MTUS2: variants seen among roughly 807,000 people sequenced by gnomAD.
The protein encoded by MTUS2 is microtubule-associated tumor suppressor candidate 2.
A neutral mutation model predicts 114.1 loss-of-function variants in MTUS2; 40 were observed. The observed-to-expected ratio is 0.35, with a 90% CI of 0.27 to 0.46. The LOEUF (loss-of-function observed/expected upper bound fraction) is 0.46, where lower values mean the gene tolerates loss of function less well. Among genes scored for constraint, MTUS2 ranks in the 20% least tolerant of loss-of-function variants. The pLI, the probability that MTUS2 is intolerant of heterozygous loss-of-function variation, is 1.00. For missense variants in MTUS2, 1,679 were observed against 1,705.4 expected (o/e 0.98, Z 0.27); for synonymous variants, 688 against 672.0 (o/e 1.02, Z -0.37).
chr13:29,488,417 C>A (rs73154418), intron 11 of MTUS2, among the ~76,000 whole-genome samples: 12,049 of 148,172 alleles, frequency 0.081, 931 homozygotes, highest in African/African-American at 0.21. Context: ...GCATGGAAAT[C>A]GTGCACTTTT....
At chr13:28,838,556 C>T (rs1411031497) in intron 1 of MTUS2, among the ~76,000 whole-genome samples, 2 of 152,140 alleles carry the variant, frequency 1.3e-5, no homozygotes, top group African/African-American at 4.8e-5. Flanking sequence ...CAGCTCTTCC[C>T]CACGCTTCCC....
chr13:29,245,686 C>T (rs1211473764), intron 5 of MTUS2, among the ~76,000 whole-genome samples: 1 of 148,294 alleles, frequency 6.7e-6, no homozygotes, highest in Admixed American at 6.8e-5. Flanking sequence ...AGTATTTCAT[C>T]TATTTTAATT....
At chr13:28,890,828 C>T (rs576371251) in intron 2 of MTUS2, among the ~76,000 whole-genome samples, 1 of 152,062 alleles carries the variant, frequency 6.6e-6, no homozygotes, top group East Asian at 1.9e-4. Flanking sequence ...TGCCCTAGAC[C>T]GAGGCCTCCA....
chr13:29,293,373 CAT>C, intron 6 of MTUS2, among the ~76,000 whole-genome samples: 1 of 152,210 alleles, frequency 6.6e-6, no homozygotes, highest in South Asian at 2.1e-4. Context: ...AATAACTAAA[CAT>C]ATTCCCTTTT....
chr13:29,039,158 C>T (rs527283433), intron 4 of MTUS2, among the ~76,000 whole-genome samples: 14 of 152,298 alleles, frequency 9.2e-5, no homozygotes, highest in Non-Finnish European at 1.3e-4. Context: ...GACCTTGGAG[C>T]GGAGGACGGG....
At chr13:29,164,945 A>C (rs1893253914) in intron 5 of MTUS2, among the ~76,000 whole-genome samples, 1 of 152,332 alleles carries the variant, frequency 6.6e-6, no homozygotes, top group East Asian at 1.9e-4. Context: ...TTGTTCTGAA[A>C]TATTTTAAAA....
intron 4 of MTUS2, among the ~76,000 whole-genome samples, chr13:29,065,524 A>ATATT (rs1400531342): frequency 1.3e-5 from 2 of 152,184 alleles, no homozygotes; most frequent in African/African-American, 4.8e-5. Flanking sequence ...TAGATGCTAG[A>ATATT]TATTAGACCT....
intron 8 of MTUS2, among the ~76,000 whole-genome samples, chr13:29,382,205 C>G (rs1197040189): frequency 6.6e-6 from 1 of 152,126 alleles, no homozygotes; most frequent in African/African-American, 2.4e-5. Flanking sequence ...GTTGACAGGT[C>G]GGGCCTTGCA....
At chr13:29,131,954 C>G (rs1413878078) in intron 5 of MTUS2, among the ~76,000 whole-genome samples, 1 of 152,198 alleles carries the variant, frequency 6.6e-6, no homozygotes, top group African/African-American at 2.4e-5. Context: ...TTTTAAAAAT[C>G]TTGACCACAA....
At chr13:29,091,302 A>G (rs1348856167) in intron 4 of MTUS2, among the ~76,000 whole-genome samples, 1 of 152,100 alleles carries the variant, frequency 6.6e-6, no homozygotes, top group Middle Eastern at 3.2e-3. Context: ...TCAGACTAAT[A>G]CAAGTAGAGT....
At chr13:29,371,905 T>C (rs1197813066) in intron 8 of MTUS2, among the ~76,000 whole-genome samples, 1 of 150,924 alleles carries the variant, frequency 6.6e-6, no homozygotes, top group African/African-American at 2.4e-5. Context: ...GCATGGTGAT[T>C]ACAGTTAATA....
intron 2 of MTUS2, among the ~76,000 whole-genome samples, chr13:28,987,246 G>C (rs1884628961): frequency 6.6e-6 from 1 of 152,154 alleles, no homozygotes; most frequent in Non-Finnish European, 1.5e-5. Context: ...AGGCAACCCT[G>C]GGTGAAAAGA....
At chr13:28,963,967 G>C (rs527944763) in intron 2 of MTUS2, among the ~76,000 whole-genome samples, 31 of 152,268 alleles carry the variant, frequency 2.0e-4, no homozygotes, top group African/African-American at 6.7e-4. Flanking sequence ...CTGCAGCTCA[G>C]CTGTGAACTC....
At chr13:28,964,602 G>T (rs1272393941) in intron 2 of MTUS2, among the ~76,000 whole-genome samples, 1 of 151,670 alleles carries the variant, frequency 6.6e-6, no homozygotes, top group Non-Finnish European at 1.5e-5. Flanking sequence ...CTGCAGAGTT[G>T]CAAGTGACAT....
intron 6 of MTUS2, among the ~76,000 whole-genome samples, chr13:29,314,287 A>T (rs1252343166): frequency 6.6e-6 from 1 of 152,230 alleles, no homozygotes; most frequent in East Asian, 1.9e-4. Context: ...TTGTGAGAGG[A>T]AAGTTATATG....
intron 6 of MTUS2, among the ~76,000 whole-genome samples, chr13:29,320,981 T>C (rs186180102): frequency 1.3e-5 from 2 of 152,298 alleles, no homozygotes; most frequent in Admixed American, 6.5e-5. Context: ...AGAGAAAATA[T>C]AGGACAGAGA....
In MTUS2 at chr13:29,411,622, G is replaced by A. The variant is rs138794197; in HGVS notation, c.3118-28361G>A. 7.5e-3 allele frequency among the ~76,000 whole-genome samples: 1,148 copies of A among 152,304 alleles called. 54 individuals are homozygous for A. The highest frequency in any genetic ancestry group is 0.067 in the Admixed American group (1,018 of 15,284). Reference sequence around the variant, plus strand: ...CTCCATAAAACACAGATTTGTTGGTGTTTTCACAGAGATTACATTAAACTT... The same window carrying A: ...CTCCATAAAACACAGATTTGTTGGTATTTTCACAGAGATTACATTAAACTT... On this transcript the variant is annotated intron_variant, in intron 8 of 15. Coordinates refer to ENST00000612955, the MANE Select transcript of MTUS2 (RefSeq NM_001033602.4).
At chr13:29,458,379 G>A (rs1053833053) in intron 9 of MTUS2, among the ~76,000 whole-genome samples, 1 of 152,212 alleles carries the variant, frequency 6.6e-6, no homozygotes, top group Non-Finnish European at 1.5e-5. Context: ...TTGAATGTCT[G>A]TTCCGCATAA....
At chr13:29,502,466 G>A (rs1882974949) in intron 15 of MTUS2, among the ~76,000 whole-genome samples, 1 of 152,238 alleles carries the variant, frequency 6.6e-6, no homozygotes, top group African/African-American at 2.4e-5. Context: ...AGTCTAGCAG[G>A]CAGACACAGA....
Sources: allele counts gnomAD v4.1 joint callset (sites outside exome capture counted in the v4.1 genomes callset), GRCh38; gene constraint gnomAD v4.1.1; transcripts MANE v1.5; gene names NCBI Gene and HGNC (gene_info 2026-07-23, HGNC 2026-07-21).